The following VTI1A variants were observed in gnomAD, a reference collection of about 807,000 sequenced individuals.
The protein encoded by VTI1A is vesicle transport through interaction with t-SNAREs 1A.
Under a neutral mutation model 34.9 loss-of-function variants are expected in VTI1A, and 22 were observed. The ratio of observed to expected loss-of-function variants is 0.63; its 90% CI spans 0.45 to 0.90. VTI1A has a LOEUF of 0.90. VTI1A is among the 40% of genes least tolerant of loss of function. The pLI is 0.00. For synonymous variants in VTI1A, 87 were observed against 97.3 expected (o/e 0.89, Z 0.62); for missense variants, 268 against 275.6 (o/e 0.97, Z 0.20).
intron 2 of VTI1A, among the ~76,000 whole-genome samples, chr10:112,463,475 C>T (rs11195969): frequency 0.62 from 93,992 of 151,962 alleles, 30,414 homozygotes; most frequent in Non-Finnish European, 0.72. Context: ...GAAACCTGTT[C>T]CAGATTCCAG....
At position 112,717,257 on chromosome 10, in the gene VTI1A, T is replaced by C. The variant is rs80247798; in HGVS notation, c.560+48259T>C. ...CTGAAAGGCTTGGCTCCAAATATGA[T>C]GTGCCCTTTCTATTGTTGATGATGT... On this transcript the variant is annotated intron_variant, in intron 7 of 7. Transcript: ENST00000393077. Among the ~76,000 whole-genome samples, 9 of 152,368 alleles carry C rather than the reference T, an allele frequency of 5.9e-5. No homozygotes were observed. In the East Asian group the frequency reaches 1.7e-3, roughly 29 times the overall value.
intron 7 of VTI1A, among the ~76,000 whole-genome samples, chr10:112,702,526 T>G (rs1849045360): frequency 6.6e-6 from 1 of 151,674 alleles, no homozygotes; most frequent in African/African-American, 2.4e-5. Context: ...TTCAAGTGAT[T>G]CTTGTGCCTC....
intron 7 of VTI1A, among the ~76,000 whole-genome samples, chr10:112,779,052 G>C (rs1410191673): frequency 6.6e-6 from 1 of 152,200 alleles, no homozygotes; most frequent in African/African-American, 2.4e-5. Context: ...AGGTGGCTGT[G>C]GAAATCTCAC....
chr10:112,553,282 C>T (rs747507102), intron 5 of VTI1A, among the ~76,000 whole-genome samples: 1 of 152,240 alleles, frequency 6.6e-6, no homozygotes, highest in Non-Finnish European at 1.5e-5. Flanking sequence ...AATCTTGGTC[C>T]TGCCACTTAA....
chr10:112,845,067 C>T, the VTI1A span, among the ~76,000 whole-genome samples: 3,184 of 152,184 alleles, frequency 0.021, 133 homozygotes, highest in African/African-American at 0.074. Context: ...TATGTCGGTT[C>T]GGGAAGAGGA....
In VTI1A at chr10:112,737,661, CAA is replaced by C. The variant is rs1188400243; in HGVS notation, c.560+68664_560+68665del. 9.5e-6 allele frequency: 10 copies of C among 1,053,074 alleles called. No homozygotes were observed. The East Asian group carries it at 5.3e-4, about 56-fold the overall frequency. 65.2% of individuals were successfully genotyped at this position (1,053,074 alleles called of 1,614,324 possible). ...ACACAGGGGTACCTCAAAAATAGAA[CAA>C]GAGCACTCCATCCATGTGCGGATGA... On this transcript the variant is annotated intron_variant, in intron 7 of 7. Transcript: ENST00000393077.
chr10:112,767,045 T>C lies in VTI1A; in HGVS notation c.561-48245T>C, dbSNP rs752789549. Reference sequence around the variant, plus strand: ...AAAGCAGAGTTTAAAGCCACTGATTTCTTAGCCATGTGAGTTTTTATTCTT... The same window carrying C: ...AAAGCAGAGTTTAAAGCCACTGATTCCTTAGCCATGTGAGTTTTTATTCTT... On this transcript the variant is annotated intron_variant, in intron 7 of 7. Transcript: ENST00000393077. This position sits in a 1 kb window ranked among gnomAD's most constrained non-coding sequence, Gnocchi z 4.0. Among the ~76,000 whole-genome samples, 15 of 152,250 alleles carry C rather than the reference T, an allele frequency of 9.9e-5. No individual in the cohort carries two copies. Among genetic ancestry groups the C allele is most frequent in the Non-Finnish European group, 2.2e-4 (15 of 68,042 alleles).
chr10:112,667,929 T>C (rs770110395), intron 5 of VTI1A, among the ~76,000 whole-genome samples: 3 of 152,130 alleles, frequency 2.0e-5, no homozygotes. Flanking sequence ...CCTCAGATCT[T>C]CTCCACCTTT....
At chr10:112,509,664 G>A (rs1849544806) in intron 3 of VTI1A, among the ~76,000 whole-genome samples, 1 of 152,166 alleles carries the variant, frequency 6.6e-6, no homozygotes, top group Non-Finnish European at 1.5e-5. Context: ...GATGGATGAA[G>A]AAAAGTCCTG....
intron 5 of VTI1A, among the ~76,000 whole-genome samples, chr10:112,576,389 A>G (rs568600052): frequency 5.3e-5 from 8 of 152,210 alleles, no homozygotes; most frequent in Non-Finnish European, 1.2e-4. Context: ...GCATTTAATC[A>G]TTAGATCGTT....
At chr10:112,578,294 A>T (rs1045726582) in intron 5 of VTI1A, among the ~76,000 whole-genome samples, 1 of 152,162 alleles carries the variant, frequency 6.6e-6, no homozygotes, top group Non-Finnish European at 1.5e-5. Flanking sequence ...CAGACGCAGC[A>T]ATTTGGCTCT....
At chr10:112,671,789 C>G (rs969196104) in intron 7 of VTI1A, 2 of 152,182 alleles carry the variant, frequency 1.3e-5, no homozygotes, top group Non-Finnish European at 2.9e-5. Flanking sequence ...CCAGCAGCCA[C>G]TAAATAATCA....
the VTI1A span, among the ~76,000 whole-genome samples, chr10:112,850,838 T>A: frequency 6.8e-4 from 104 of 152,270 alleles, no homozygotes; most frequent in Non-Finnish European, 1.1e-3. Flanking sequence ...ACTGTGCAGG[T>A]GGCATGTCCA....
intron 7 of VTI1A, among the ~76,000 whole-genome samples, chr10:112,680,546 C>A (rs1325577708): frequency 6.6e-6 from 1 of 152,180 alleles, no homozygotes; most frequent in African/African-American, 2.4e-5. Flanking sequence ...GGTAAAAGGG[C>A]ATATGGAGAT....
chr10:112,612,385 A>G (rs966908786), intron 5 of VTI1A, among the ~76,000 whole-genome samples: 3 of 152,170 alleles, frequency 2.0e-5, no homozygotes, highest in Non-Finnish European at 4.4e-5. Context: ...TAGTCATACT[A>G]TAATAAAAAG....
intron 7 of VTI1A, among the ~76,000 whole-genome samples, chr10:112,778,183 A>C (rs541503292): frequency 7.9e-5 from 12 of 152,298 alleles, no homozygotes; most frequent in African/African-American, 2.4e-4. Context: ...CTAGAAAGTG[A>C]CCTTTCTGAT....
At chr10:112,490,947 C>G (rs1356959759) in intron 3 of VTI1A, among the ~76,000 whole-genome samples, 1 of 152,096 alleles carries the variant, frequency 6.6e-6, no homozygotes, top group Non-Finnish European at 1.5e-5. Flanking sequence ...TTCAACCCCC[C>G]TGCCCACCCT....
chr10:112,457,958 G>A (rs1383364127), intron 1 of VTI1A, among the ~76,000 whole-genome samples: 3 of 152,106 alleles, frequency 2.0e-5, no homozygotes, highest in Non-Finnish European at 4.4e-5. Flanking sequence ...TTTGGGCAAA[G>A]GAAGGGTTAT....
intron 3 of VTI1A, among the ~76,000 whole-genome samples, chr10:112,465,451 T>G (rs2419635): frequency 0.71 from 107,899 of 151,994 alleles, 39,671 homozygotes; most frequent in Non-Finnish European, 0.8. Context: ...AGAGGTGGAA[T>G]CAACCTAAGC....
Sources: gnomAD v4.1 joint callset for allele counts (sites outside exome capture counted in the v4.1 genomes callset) on GRCh38, gnomAD v4.1.1 for gene constraint, Gnocchi (gnomAD v3.1) non-coding constraint, MANE v1.5 for transcripts, NCBI Gene and HGNC (gene_info 2026-07-23, HGNC 2026-07-21) for gene names.